The following PER3 variants were observed in gnomAD, a reference collection of about 807,000 sequenced individuals.
The protein encoded by PER3 is period circadian regulator 3.
PER3 carries 107 observed loss-of-function variants against 127.2 expected under a neutral mutation model. That is an observed-to-expected ratio of 0.84 (90% CI 0.72 to 0.99). PER3 has a LOEUF of 0.99. PER3 is among the 50% of genes least tolerant of loss of function. The pLI is 0.00. For synonymous variants in PER3, 618 were observed against 585.8 expected, an observed-to-expected ratio of 1.05 and a Z score of -0.79; for missense variants, 1,560 against 1,525.8, an observed-to-expected ratio of 1.02 and a Z score of -0.37.
intron 6 of PER3, 26 bp downstream of exon 6, chr1:7,794,034 A>G (rs2097133967): frequency 6.3e-7 from 1 of 1,585,710 alleles, no homozygotes; most frequent in Non-Finnish European, 8.7e-7. Flanking sequence ...CGTGGAAGCC[A>G]GCAACAGTGG....
chr1:7,785,368 A>G, intron 2 of PER3, 73 bp from the exon 3 acceptor site: 2 of 1,186,762 alleles, frequency 1.7e-6, no homozygotes, highest in Non-Finnish European at 2.5e-6. Flanking sequence ...CCTGGCTTGC[A>G]GTTTGTGTTC....
chr1:7,806,805 A>AT lies in PER3; in HGVS notation c.1137-2088_1137-2087insT, dbSNP rs1188067917. On this transcript the variant is annotated intron_variant, in intron 10 of 21. Coordinates refer to ENST00000377532, the MANE Select transcript of PER3 (RefSeq NM_001377275.1). ...CAAGACCCTGTCTCTTAAAAAAAAA[A>AT]AAAAAAAATATATATATATATATAT... Among the ~76,000 whole-genome samples, 67 of 86,094 alleles carry AT rather than the reference A, an allele frequency of 7.8e-4. 1 individual carries two copies. In the East Asian group the frequency reaches 0.023, roughly 29 times the overall value. The allele number at this position is 86,094 out of a possible 152,430, so 56.5% of individuals were successfully genotyped here. A position where few individuals can be genotyped will look rare whatever the true frequency, so the allele number is the denominator to read the frequency against.
intron 3 of PER3, 78 bp from the exon 4 acceptor site, chr1:7,786,643 C>A: frequency 2.7e-6 from 2 of 751,554 alleles, no homozygotes; most frequent in South Asian, 3.2e-5. Flanking sequence ...AAAAATAATC[C>A]AGCTTGATAG....
Position 7,844,033 on chromosome 1 carries a change from AT to A in PER3, c.*1287del, listed in dbSNP as rs1316690610. 146 of 1,040,342 alleles carry A rather than the reference AT, an allele frequency of 1.4e-4. No homozygotes were observed. The highest frequency in any genetic ancestry group is 3.9e-4 in the South Asian group (18 of 46,368). 64.4% of individuals were successfully genotyped at this position (1,040,342 alleles called of 1,614,324 possible). ...TATATAACTTGCAACAAACTAATTT[AT>A]TTTTTTTTCCTTTTTTTGTTTTTGG... On this transcript the variant is annotated 3_prime_UTR_variant, in exon 22 of 22. Coordinates refer to ENST00000377532, the MANE Select transcript of PER3 (RefSeq NM_001377275.1).
In PER3 at chr1:7,784,316, C is replaced by G. The variant is rs1396026546; in HGVS notation, c.-285C>G. 1 of 150,220 alleles carries G rather than the reference C, an allele frequency of 6.7e-6. No homozygotes were observed. The highest frequency in any genetic ancestry group is 6.6e-5 in the Admixed American group (1 of 15,042). 9.3% of individuals were successfully genotyped at this position (150,220 alleles called of 1,614,324 possible). A position where few individuals can be genotyped will look rare whatever the true frequency, so the allele number is the denominator to read the frequency against. ...GACCGGCACGCGGCGAGCCTCGAGA[C>G]TGCGCGAGGGCGGCCCCGGGGGCGA... On this transcript the variant is annotated 5_prime_UTR_variant, in exon 1 of 22. Transcript: ENST00000377532.
At chr1:7,797,599 G>A (rs993102003) in intron 6 of PER3, among the ~76,000 whole-genome samples, 1 of 150,122 alleles carries the variant, frequency 6.7e-6, no homozygotes, top group African/African-American at 2.5e-5. Flanking sequence ...TTGTGCCATC[G>A]CACTCCAGCC....
At chr1:7,836,919 A>G in intron 20 of PER3, 80 bp from the exon 21 acceptor site, 7 of 1,078,592 alleles carry the variant, frequency 6.5e-6, no homozygotes, top group Non-Finnish European at 9.5e-6. Flanking sequence ...CCAACCAAGA[A>G]GAAGTGCTAT....
intron 16 of PER3, among the ~76,000 whole-genome samples, chr1:7,825,879 G>A (rs1214921372): frequency 4.6e-5 from 6 of 129,678 alleles, no homozygotes; most frequent in African/African-American, 8.3e-5. Context: ...CAACAAGAGC[G>A]AAACTCCATC....
chr1:7,816,985 A>C (rs1354662494), intron 13 of PER3, among the ~76,000 whole-genome samples: 3 of 152,248 alleles, frequency 2.0e-5, no homozygotes, highest in African/African-American at 7.2e-5. Context: ...CGGTGAAGAG[A>C]AATGAACTTG....
intron 6 of PER3, among the ~76,000 whole-genome samples, chr1:7,794,960 T>C (rs2097138781): frequency 6.6e-6 from 1 of 152,182 alleles, no homozygotes; most frequent in Non-Finnish European, 1.5e-5. Context: ...TGAAATGACA[T>C]TGTGATTGCC....
At chr1:7,841,768 A>G (rs1321996493) in intron 21 of PER3, among the ~76,000 whole-genome samples, 1 of 152,176 alleles carries the variant, frequency 6.6e-6, no homozygotes, top group African/African-American at 2.4e-5. Context: ...ACCAAAAAGC[A>G]GGAGCTGGGC....
chr1:7,787,849 G>A (rs900374576), intron 4 of PER3, 196 bp from the exon 5 acceptor site: 1 of 593,254 alleles, frequency 1.7e-6, no homozygotes, highest in Non-Finnish European at 3.0e-6. Context: ...CCTTCAGTAG[G>A]TGAAGTGCAG....
At chr1:7,835,271 G>A (rs145236164) in intron 19 of PER3, among the ~76,000 whole-genome samples, 36 of 152,200 alleles carry the variant, frequency 2.4e-4, no homozygotes, top group Non-Finnish European at 4.6e-4. Context: ...TATGTATTTG[G>A]CGACTTGGGT....
rs71567315 is a variant in PER3, at chr1:7,796,319, CTT to C, written c.645-2190_645-2189del. Among the ~76,000 whole-genome samples, 842 of 109,812 alleles carry C rather than the reference CTT, an allele frequency of 7.7e-3. 16 individuals are homozygous for C. Among genetic ancestry groups the C allele is most frequent in the African/African-American group, 0.026 (804 of 30,918 alleles). The allele number at this position is 109,812 out of a possible 152,430, so 72.0% of individuals were successfully genotyped here. ...GGTAGGAAACGTTCATTTCAGTTTC[CTT>C]TTTTTTTTTTTTTTTGAGACAGGAT... On this transcript the variant is annotated intron_variant, in intron 6 of 21. Coordinates refer to ENST00000377532, the MANE Select transcript of PER3 (RefSeq NM_001377275.1).
At chr1:7,841,468 G>A (rs1387432556) in intron 21 of PER3, among the ~76,000 whole-genome samples, 2 of 152,150 alleles carry the variant, frequency 1.3e-5, no homozygotes, top group African/African-American at 4.8e-5. Flanking sequence ...AGGAATACGT[G>A]CCTTGTCCAA....
At chr1:7,822,326 G>A (rs1444839496) in intron 16 of PER3, among the ~76,000 whole-genome samples, 1 of 151,724 alleles carries the variant, frequency 6.6e-6, no homozygotes, top group Admixed American at 6.6e-5. Flanking sequence ...TGCGATCTCA[G>A]CTCACTACAG....
intron 21 of PER3, among the ~76,000 whole-genome samples, chr1:7,840,882 A>C (rs2097383580): frequency 6.6e-6 from 1 of 152,110 alleles, no homozygotes; most frequent in Non-Finnish European, 1.5e-5. Context: ...TGCTGGGATT[A>C]CAGGCGTGAG....
intron 8 of PER3, 67 bp downstream of exon 8, chr1:7,801,258 C>T: frequency 1.1e-6 from 1 of 884,410 alleles, no homozygotes; most frequent in Non-Finnish European, 1.8e-6. Flanking sequence ...AAGAAGATTA[C>T]ATTATGTTTG....
rs554847891 is a variant in PER3, at chr1:7,842,667, T to G, written c.3550-5T>G. On this transcript the variant is annotated splice_region_variant and splice_polypyrimidine_tract_variant and intron_variant, in intron 21 of 21. Coordinates refer to ENST00000377532, the MANE Select transcript of PER3 (RefSeq NM_001377275.1). ...GTAACTCGCCTGCTTTGTTCTTTTTTGGAGGCCTGTGTCACTTGTGAAAAT... is the reference window on the plus strand; with the variant it reads ...GTAACTCGCCTGCTTTGTTCTTTTTGGGAGGCCTGTGTCACTTGTGAAAAT... 36 of 1,613,240 alleles carry G rather than the reference T, an allele frequency of 2.2e-5. 2 individuals carry two copies. In the South Asian group the frequency reaches 3.8e-4, roughly 17 times the overall value.
Sources: allele counts gnomAD v4.1 joint callset (sites outside exome capture counted in the v4.1 genomes callset), GRCh38; gene constraint gnomAD v4.1.1; transcripts MANE v1.5; gene names NCBI Gene and HGNC (gene_info 2026-07-23, HGNC 2026-07-21).